The following CNBD1 variants were observed in gnomAD, a reference collection of about 807,000 sequenced individuals.
CNBD1 encodes the protein cyclic nucleotide binding domain containing 1.
A neutral mutation model predicts 54.4 loss-of-function variants in CNBD1; 71 were observed. The ratio of observed to expected loss-of-function variants is 1.30; its 90% CI spans 1.08 to 1.59. The LOEUF (loss-of-function observed/expected upper bound fraction) is 1.59. Ranked by LOEUF, CNBD1 falls within the 40% of genes most tolerant of loss-of-function variation. CNBD1 has a pLI of 0.00. For missense variants in CNBD1, 659 were observed against 518.0 expected (o/e 1.27, Z -2.64); for synonymous variants, 182 against 170.7 (o/e 1.07, Z -0.51).
chr8:87,206,149 A>C lies in CNBD1; in HGVS notation c.577+11A>C. On this transcript the variant is annotated intron_variant, in intron 5 of 10. Transcript: ENST00000518476. The stretch of plus-strand genomic sequence containing the variant: ...TGAAAGGCAGCACAGGTAATAGACT[A>C]ATGTGGGATAAATTTGGCGAGATAA... 6.5e-7 allele frequency: 1 copy of C among 1,536,646 alleles called. No individual in the cohort carries two copies. Among genetic ancestry groups the C allele is most frequent in the Non-Finnish European group, 8.8e-7 (1 of 1,142,696 alleles).
rs1807943109 is a variant in CNBD1, at chr8:87,253,148, T to G, written c.771+16036T>G. ...TAAAACAGCCAAGCCAGTGGAAAGT[T>G]TGAATATATTCTCTTTTTCCCTTTA... On this transcript the variant is annotated intron_variant, in intron 6 of 10. Coordinates refer to ENST00000518476, the MANE Select transcript of CNBD1 (RefSeq NM_173538.3). 2.0e-5 allele frequency among the ~76,000 whole-genome samples: 3 copies of G among 152,152 alleles called. No homozygotes were observed. The East Asian group carries it at 5.8e-4, about 29-fold the overall frequency.
intron 3 of CNBD1, among the ~76,000 whole-genome samples, chr8:86,927,251 T>C (rs1809377490): frequency 6.6e-6 from 1 of 152,118 alleles, no homozygotes; most frequent in African/African-American, 2.4e-5. Flanking sequence ...AAAACCATTT[T>C]GTATTTACTA....
downstream of CNBD1, among the ~76,000 whole-genome samples, chr8:87,383,348 C>T (rs1271887288): frequency 6.6e-6 from 1 of 152,012 alleles, no homozygotes; most frequent in Non-Finnish European, 1.5e-5. Context: ...TTTGATAGTC[C>T]TTAGTAAGGG....
intron 4 of CNBD1, among the ~76,000 whole-genome samples, chr8:86,941,534 A>G (rs1809656886): frequency 6.6e-6 from 1 of 152,118 alleles, no homozygotes; most frequent in Non-Finnish European, 1.5e-5. Flanking sequence ...CTTTTTTACT[A>G]TAGTGAGATA....
intron 4 of CNBD1, among the ~76,000 whole-genome samples, chr8:87,088,065 A>G (rs918166156): frequency 1.3e-5 from 2 of 152,324 alleles, no homozygotes; most frequent in East Asian, 3.9e-4. Context: ...TAATACATTG[A>G]TGGCAAAAGT....
intron 6 of CNBD1, among the ~76,000 whole-genome samples, chr8:87,265,510 GT>G (rs1808235562): frequency 6.6e-6 from 1 of 151,986 alleles, no homozygotes; most frequent in Non-Finnish European, 1.5e-5. Flanking sequence ...ATGTTAAAAA[GT>G]ATTTTTCACA....
chr8:87,167,929 C>A (rs1203747648), intron 4 of CNBD1, among the ~76,000 whole-genome samples: 12 of 151,836 alleles, frequency 7.9e-5, no homozygotes, highest in Non-Finnish European at 1.5e-5. Flanking sequence ...CATACCTAGG[C>A]TATATAACAT....
At chr8:87,278,701 G>A (rs1480083994) in intron 6 of CNBD1, among the ~76,000 whole-genome samples, 1 of 151,420 alleles carries the variant, frequency 6.6e-6, no homozygotes, top group South Asian at 2.1e-4. Context: ...CAGAATTCAA[G>A]TACAGAAAAG....
chr8:87,027,784 T>C (rs10107233), intron 4 of CNBD1, among the ~76,000 whole-genome samples: 44,648 of 152,166 alleles, frequency 0.29, 6,802 homozygotes, highest in South Asian at 0.39. Context: ...CCAAACAGTA[T>C]CACAAAGAAC....
chr8:87,370,090 G>T (rs991902401), intron 10 of CNBD1, among the ~76,000 whole-genome samples: 1 of 151,894 alleles, frequency 6.6e-6, no homozygotes, highest in Non-Finnish European at 1.5e-5. Context: ...GTATTCCATG[G>T]TGTATATGTG....
intron 4 of CNBD1, among the ~76,000 whole-genome samples, chr8:87,171,363 G>A (rs1347213325): frequency 1.3e-5 from 2 of 151,736 alleles, no homozygotes; most frequent in African/African-American, 4.8e-5. Context: ...GGTATTGGTT[G>A]TAATATCTCC....
chr8:87,178,341 C>A (rs1813242293), intron 4 of CNBD1, among the ~76,000 whole-genome samples: 1 of 152,102 alleles, frequency 6.6e-6, no homozygotes, highest in South Asian at 2.1e-4. Context: ...GAGAAGTTGA[C>A]ATTTGAGCAG....
At chr8:87,327,116 GGGGGTCA>G (rs1218502798) in intron 8 of CNBD1, among the ~76,000 whole-genome samples, 27 of 144,968 alleles carry the variant, frequency 1.9e-4, no homozygotes, top group African/African-American at 6.1e-4. Context: ...TAGGCTGCTC[GGGGGTCA>G]GGGGTCAGGG....
intron 8 of CNBD1, among the ~76,000 whole-genome samples, chr8:87,327,600 A>T (rs148146006): frequency 0.012 from 1,763 of 152,224 alleles, 37 homozygotes; most frequent in African/African-American, 0.038. Flanking sequence ...TTTGACTCAG[A>T]AAGGGAACTC....
At chr8:87,413,448 A>C (rs1043790543) in intron 2 of CNBD1, among the ~76,000 whole-genome samples, 2 of 152,072 alleles carry the variant, frequency 1.3e-5, no homozygotes, top group Admixed American at 6.6e-5. Context: ...GACTCAATTA[A>C]ATCCCTTGAA....
At chr8:87,426,050 C>T (rs1250207344) in intron 2 of CNBD1, among the ~76,000 whole-genome samples, 2 of 152,188 alleles carry the variant, frequency 1.3e-5, no homozygotes, top group African/African-American at 4.8e-5. Flanking sequence ...GTCGGAAAAT[C>T]GCAGTATTTG....
At chr8:86,938,859 T>C (rs1310326915) in intron 3 of CNBD1, among the ~76,000 whole-genome samples, 1 of 152,212 alleles carries the variant, frequency 6.6e-6, no homozygotes, top group East Asian at 1.9e-4. Flanking sequence ...AATGTGATAA[T>C]TTAGTATTGC....
At chr8:87,358,117 G>A (rs1212510666) in intron 10 of CNBD1, among the ~76,000 whole-genome samples, 1 of 152,120 alleles carries the variant, frequency 6.6e-6, no homozygotes, top group Admixed American at 6.6e-5. Context: ...TGCCATGCTT[G>A]TACAACTTGC....
chr8:87,212,603 G>A (rs1814123596), intron 5 of CNBD1, among the ~76,000 whole-genome samples: 1 of 151,890 alleles, frequency 6.6e-6, no homozygotes, highest in South Asian at 2.1e-4. Flanking sequence ...ATTCAGTGGT[G>A]GAAAGAAAAC....
Sources: allele counts gnomAD v4.1 joint callset (sites outside exome capture counted in the v4.1 genomes callset), GRCh38; gene constraint gnomAD v4.1.1; transcripts MANE v1.5; gene names NCBI Gene and HGNC (gene_info 2026-07-23, HGNC 2026-07-21).